The following EPHA4 variants were observed in gnomAD, a reference collection of about 807,000 sequenced individuals.
EPHA4 encodes the protein EPH receptor A4, also known as ephrin type-A receptor 4.
A neutral mutation model predicts 108.3 loss-of-function variants in EPHA4; 19 were observed. That is an observed-to-expected ratio of 0.18 (90% CI 0.12 to 0.26). EPHA4 has a LOEUF of 0.26. Among genes scored for constraint, EPHA4 ranks in the 10% least tolerant of loss-of-function variants. The probability of loss-of-function intolerance (pLI) is 1.00; values close to 1 mark genes in which losing one functional copy is unlikely to be tolerated. For synonymous variants in EPHA4, 449 were observed against 455.5 expected (o/e 0.99, Z 0.18); for missense variants, 917 against 1,254.0 (o/e 0.73, Z 4.06).
rs898848423 is a variant in EPHA4 at position 221,419,761 on chromosome 2, T to C, written c.*1611A>G. The C allele has an allele frequency of 6.6e-6, 1 of 152,346 alleles. No individual in the cohort carries two copies. Among genetic ancestry groups the C allele is most frequent in the Non-Finnish European group, 1.5e-5 (1 of 67,982 alleles). 9.4% of individuals were successfully genotyped at this position (152,346 alleles called of 1,614,324 possible). A position where few individuals can be genotyped will look rare whatever the true frequency, so the allele number is the denominator to read the frequency against. On this transcript the variant is annotated 3_prime_UTR_variant, in exon 18 of 18. Transcript: ENST00000281821. ...ACAAAATACACGTGTAGATACAGGA[T>C]GCGTGTAGATACAGGATGCTGAACA...
At chr2:221,458,774 G>A (rs961688058) in intron 5 of EPHA4, among the ~76,000 whole-genome samples, 2 of 152,162 alleles carry the variant, frequency 1.3e-5, no homozygotes, top group Non-Finnish European at 2.9e-5. Context: ...TGCAGTGGTC[G>A]CATCTCCAGC....
At chr2:221,557,855 C>T (rs1050122860) in intron 3 of EPHA4, among the ~76,000 whole-genome samples, 2 of 152,174 alleles carry the variant, frequency 1.3e-5, no homozygotes, top group African/African-American at 4.8e-5. Flanking sequence ...CTGACATTCT[C>T]ATAAGGAAGT....
At chr2:221,526,558 AAT>A (rs1491292609) in intron 3 of EPHA4, among the ~76,000 whole-genome samples, 9 of 128,090 alleles carry the variant, frequency 7.0e-5, no homozygotes, top group African/African-American at 1.9e-4. Flanking sequence ...AAAAAAAAAA[AAT>A]TCATGGCTGG....
intron 5 of EPHA4, among the ~76,000 whole-genome samples, chr2:221,473,915 T>A (rs913759616): frequency 3.9e-5 from 6 of 152,176 alleles, no homozygotes; most frequent in Non-Finnish European, 8.8e-5. Flanking sequence ...TGTCAAGTGA[T>A]TACTGGTGAA....
At chr2:221,559,457 T>C (rs988201490) in intron 3 of EPHA4, among the ~76,000 whole-genome samples, 4 of 152,116 alleles carry the variant, frequency 2.6e-5, no homozygotes, top group African/African-American at 4.8e-5. Context: ...ACACCTGTAA[T>C]CCCAGCACTT....
chr2:221,511,715 CA>C (rs1318021404), intron 3 of EPHA4, among the ~76,000 whole-genome samples: 3 of 152,066 alleles, frequency 2.0e-5, no homozygotes, highest in Non-Finnish European at 4.4e-5. Context: ...TTGTTAGAAA[CA>C]AACAAATATG....
intron 3 of EPHA4, among the ~76,000 whole-genome samples, chr2:221,524,286 C>T (rs1429383690): frequency 1.3e-5 from 2 of 152,322 alleles, no homozygotes; most frequent in East Asian, 3.9e-4. Context: ...CCCTTTAATG[C>T]TAGGCTTCGG....
intron 2 of EPHA4, 97 bp from the exon 3 acceptor site, chr2:221,564,491 C>A: frequency 7.8e-7 from 1 of 1,284,738 alleles, no homozygotes; most frequent in Non-Finnish European, 1.1e-6. Flanking sequence ...GATTATTTTT[C>A]TTTCAATAAT....
chr2:221,569,589 G>A (rs1188629553), intron 1 of EPHA4: 1 of 152,294 alleles, frequency 6.6e-6, no homozygotes, highest in Non-Finnish European at 1.5e-5. Flanking sequence ...ACCCCGCTCA[G>A]GCTAGAAGAG....
chr2:221,542,913 A>G (rs1276394743), intron 3 of EPHA4, among the ~76,000 whole-genome samples: 2 of 152,224 alleles, frequency 1.3e-5, no homozygotes, highest in African/African-American at 4.8e-5. Context: ...CTTTAAAAGA[A>G]GTTTTCTCAC....
At chr2:221,438,014 C>T (rs934126646) in intron 11 of EPHA4, among the ~76,000 whole-genome samples, 2 of 152,162 alleles carry the variant, frequency 1.3e-5, no homozygotes, top group Non-Finnish European at 2.9e-5. Context: ...CTTTCCCTAG[C>T]TATGAATAAA....
chr2:221,464,397 T>C (rs1691242210), intron 5 of EPHA4, among the ~76,000 whole-genome samples: 1 of 152,192 alleles, frequency 6.6e-6, no homozygotes, highest in African/African-American at 2.4e-5. Context: ...GCATCAGAAT[T>C]AAATGCTTCA....
chr2:221,434,129 CAT>C lies in EPHA4; in HGVS notation c.2496+11_2496+12del. 1 of 1,608,024 alleles carries C rather than the reference CAT, an allele frequency of 6.2e-7. No homozygotes were observed. Among genetic ancestry groups the C allele is most frequent in the Non-Finnish European group, 8.5e-7 (1 of 1,177,144 alleles). ...CAATGTGAAAAAATATATTTCAGAACATAGAGACTTACATCTTGATTGGACAT... is the reference window on the plus strand; with the variant it reads ...CAATGTGAAAAAATATATTTCAGAACAGAGACTTACATCTTGATTGGACAT... On this transcript the variant is annotated intron_variant, in intron 14 of 17. Coordinates refer to ENST00000281821, the MANE Select transcript of EPHA4 (RefSeq NM_004438.5).
At chr2:221,481,625 G>T (rs1691822922) in intron 5 of EPHA4, among the ~76,000 whole-genome samples, 1 of 152,102 alleles carries the variant, frequency 6.6e-6, no homozygotes, top group Non-Finnish European at 1.5e-5. Context: ...CTGCATTCCA[G>T]CTTGGGCGAC....
rs115324120 is a variant in EPHA4 at position 221,475,204 on chromosome 2, A to C, written c.1318+7148T>G. Among the ~76,000 whole-genome samples, 684 of 152,300 alleles carry C rather than the reference A, an allele frequency of 4.5e-3. 6 individuals are homozygous for C. The highest frequency in any genetic ancestry group is 0.016 in the African/African-American group (655 of 41,566). ...ATTATTTAAAAAGAAAATTGCTGTC[A>C]GCAACTATAGGACCTAGGCAATAGT... is the stretch of plus-strand genomic sequence containing the variant. On this transcript the variant is annotated intron_variant, in intron 5 of 17. Coordinates refer to ENST00000281821, the MANE Select transcript of EPHA4 (RefSeq NM_004438.5).
chr2:221,547,211 C>T (rs565065538), intron 3 of EPHA4, among the ~76,000 whole-genome samples: 11 of 152,264 alleles, frequency 7.2e-5, no homozygotes, highest in African/African-American at 2.4e-4. Flanking sequence ...ATTCTGTAAA[C>T]GTTTAACAAA....
At chr2:221,496,275 C>T (rs1227870934) in intron 4 of EPHA4, among the ~76,000 whole-genome samples, 1 of 152,026 alleles carries the variant, frequency 6.6e-6, no homozygotes, top group African/African-American at 2.4e-5. Context: ...CTGGGTCTGC[C>T]GTCCGGTATA....
At chr2:221,479,409 C>T (rs1326248071) in intron 5 of EPHA4, among the ~76,000 whole-genome samples, 3 of 152,190 alleles carry the variant, frequency 2.0e-5, no homozygotes, top group Admixed American at 6.5e-5. Context: ...AGAGAAAGAA[C>T]CCTGTGAAAA....
intron 2 of EPHA4, among the ~76,000 whole-genome samples, chr2:221,567,179 C>T (rs1237563509): frequency 6.6e-6 from 1 of 152,050 alleles, no homozygotes; most frequent in East Asian, 1.9e-4. Context: ...TCTCTTCAAA[C>T]TTAAAAGCAG....
Sources: allele counts gnomAD v4.1 joint callset (sites outside exome capture counted in the v4.1 genomes callset), GRCh38; gene constraint gnomAD v4.1.1; transcripts MANE v1.5; gene names NCBI Gene and HGNC (gene_info 2026-07-23, HGNC 2026-07-21).